TET3: variants seen among roughly 807,000 people sequenced by gnomAD.
The protein encoded by TET3 is methylcytosine dioxygenase TET3.
Under a neutral mutation model 141.4 loss-of-function variants are expected in TET3, and 19 were observed. That is an observed-to-expected ratio of 0.13 (90% CI 0.09 to 0.20). TET3 has a LOEUF of 0.20. TET3 is among the 10% of genes least tolerant of loss of function. The probability of loss-of-function intolerance (pLI) is 1.00; values close to 1 mark genes in which losing one functional copy is unlikely to be tolerated. For synonymous variants in TET3, 1,043 were observed against 980.9 expected (o/e 1.06, Z -1.18); for missense variants, 1,874 against 2,356.9 (o/e 0.80, Z 4.24).
At chr2:74,043,048 T>C (rs895967532) in intron 3 of TET3, among the ~76,000 whole-genome samples, 1 of 152,212 alleles carries the variant, frequency 6.6e-6, no homozygotes, top group Admixed American at 6.5e-5. Flanking sequence ...CTTTTAGTTG[T>C]CTTGACCATT....
chr2:74,092,301 A>G (rs1415267467), intron 8 of TET3, among the ~76,000 whole-genome samples: 1 of 152,122 alleles, frequency 6.6e-6, no homozygotes, highest in African/African-American at 2.4e-5. Flanking sequence ...CCTCTGTCTC[A>G]AAGAAAAAAA....
At chr2:74,094,767 C>T (rs769860391) in intron 10 of TET3, among the ~76,000 whole-genome samples, 14 of 152,062 alleles carry the variant, frequency 9.2e-5, no homozygotes, top group Non-Finnish European at 1.6e-4. Flanking sequence ...GAGGAGCACT[C>T]CAAGGCTTTT....
the TET3 span, among the ~76,000 whole-genome samples, chr2:74,115,574 T>C: frequency 6.6e-6 from 1 of 152,162 alleles, no homozygotes; most frequent in Non-Finnish European, 1.5e-5. Flanking sequence ...TGTTGAAATA[T>C]TTAAAATTTT....
chr2:73,995,304 T>C (rs1223941865), intron 2 of TET3, among the ~76,000 whole-genome samples: 1 of 152,256 alleles, frequency 6.6e-6, no homozygotes, highest in African/African-American at 2.4e-5. Flanking sequence ...GAGGCATCTA[T>C]CTTAGACTGC....
chr2:74,005,138 T>C (rs1032477545), intron 3 of TET3, among the ~76,000 whole-genome samples: 6 of 152,218 alleles, frequency 3.9e-5, no homozygotes, highest in African/African-American at 1.2e-4. Flanking sequence ...TCCAAGTGTG[T>C]TCTCCGTGTC....
the TET3 span, among the ~76,000 whole-genome samples, chr2:74,132,246 T>G: frequency 2.6e-5 from 4 of 152,158 alleles, no homozygotes; most frequent in Non-Finnish European, 5.9e-5. Flanking sequence ...TTAGTCCAGG[T>G]GGCTCCTAAT....
intron 2 of TET3, among the ~76,000 whole-genome samples, chr2:73,995,987 A>C (rs995235172): frequency 6.6e-6 from 1 of 151,924 alleles, no homozygotes; most frequent in African/African-American, 2.4e-5. Context: ...GGTGTGCGCC[A>C]CCCAGAGGCT....
chr2:74,047,607 A>G lies in TET3; in HGVS notation c.1690A>G (p.Ser564Gly), dbSNP rs751119029. The G allele has an allele frequency of 6.2e-7, 1 of 1,613,836 alleles. No individual in the cohort carries two copies. Among genetic ancestry groups the G allele is most frequent in the Middle Eastern group, 1.7e-4 (1 of 6,060 alleles). ...PSAPGWWPPP[S>G]SPVPRLPDRP... Reference sequence around the variant, plus strand: ...TGCTCCTGGCTGGTGGCCCCCACCAAGTTCACCTGTCCCACGGCTTCCAGA... The same window carrying G: ...TGCTCCTGGCTGGTGGCCCCCACCAGGTTCACCTGTCCCACGGCTTCCAGA... Residue 564 changes from serine (S) to glycine (G), a missense_variant, in exon 4 of 12, where the codon AGT (serine) becomes GGT (glycine). Physicochemically the swap from Ser to Gly is moderately conservative, Grantham distance 56. This residue lies in a region of TET3 where 484 missense variants were observed against 462.2 expected (regional missense o/e 1.05). Transcript: ENST00000409262.
In TET3 at chr2:74,099,261, C is replaced by T. The variant is rs750213830; in HGVS notation, c.3268-15C>T. 5 of 1,562,356 alleles carry T rather than the reference C, an allele frequency of 3.2e-6. No homozygotes were observed. The highest frequency in any genetic ancestry group is 1.4e-5 in the African/African-American group (1 of 73,754). On this transcript the variant is annotated splice_polypyrimidine_tract_variant and intron_variant, in intron 10 of 11. Transcript: ENST00000409262. The stretch of plus-strand genomic sequence containing the variant: ...CCCCAACCCCATGTCCTCTCTCCCC[C>T]ACTGCTTGGGGCAGGTCTGCACCCT...
rs185515634 is a variant in TET3, at chr2:74,003,213, G to A, written c.360+47G>A. ...GTGTGTGTGCGTGTGTGTGGTGGCG[G>A]TGAAGTGTTTGACCGGATTGGATAA... On this transcript the variant is annotated intron_variant, in intron 3 of 11. Transcript: ENST00000409262. The A allele has an allele frequency of 7.0e-3, 10,777 of 1,547,692 alleles. 50 individuals are homozygous for A. Among genetic ancestry groups the A allele is most frequent in the Non-Finnish European group, 8.3e-3 (9,476 of 1,145,028 alleles).
chr2:74,051,037 C>T (rs535352963), intron 4 of TET3, among the ~76,000 whole-genome samples: 1 of 152,266 alleles, frequency 6.6e-6, no homozygotes, highest in South Asian at 2.1e-4. Context: ...CTGGGAAACT[C>T]TTGTTTAGAG....
At chr2:74,004,979 T>C (rs1685076704) in intron 3 of TET3, among the ~76,000 whole-genome samples, 1 of 152,086 alleles carries the variant, frequency 6.6e-6, no homozygotes, top group South Asian at 2.1e-4. Context: ...GGCAGGCCCC[T>C]CTCTCCTCTG....
In TET3 at chr2:74,093,980, A is replaced by G. The variant is rs532554554; in HGVS notation, c.3267+314A>G. Reference sequence around the variant, plus strand: ...CCGGTCTCTGTGGACACTTGGATTTAAATGCAAACAAACCCTTGATTCATT... The same window carrying G: ...CCGGTCTCTGTGGACACTTGGATTTGAATGCAAACAAACCCTTGATTCATT... On this transcript the variant is annotated intron_variant, in intron 10 of 11. Transcript: ENST00000409262. The surrounding 1 kb of genome is among the most constrained non-coding windows in gnomAD (Gnocchi z 4.2). Among the ~76,000 whole-genome samples the G allele has an allele frequency of 4.2e-4, 64 of 152,322 alleles. No homozygotes were observed. Among genetic ancestry groups the G allele is most frequent in the African/African-American group, 1.4e-3 (59 of 41,572 alleles).
At chr2:74,110,093 T>C (rs551216284), downstream of TET3, among the ~76,000 whole-genome samples, 1 of 152,334 alleles carries the variant, frequency 6.6e-6, no homozygotes, top group African/African-American at 2.4e-5. Context: ...GCTATCATTA[T>C]TACTCTTGAC....
Position 73,987,841 on chromosome 2 carries a change from C to T in TET3, c.303+1135C>T, listed in dbSNP as rs1009546054. Among the ~76,000 whole-genome samples, 4 of 152,288 alleles carry T rather than the reference C, an allele frequency of 2.6e-5. No individual in the cohort carries two copies. The East Asian group carries it at 5.8e-4, about 22-fold the overall frequency. ...TGAGGACTCGGGTCCCTGTGGCTGG[C>T]GTTGGGCTGGCAGCCCGTGCTCTGG... On this transcript the variant is annotated intron_variant, in intron 2 of 11. Coordinates refer to ENST00000409262, the MANE Select transcript of TET3 (RefSeq NM_001287491.2).
At chr2:74,100,065 TG>T (rs1032224855) in intron 11 of TET3, among the ~76,000 whole-genome samples, 9 of 151,510 alleles carry the variant, frequency 5.9e-5, no homozygotes, top group Non-Finnish European at 1.3e-4. Context: ...GGGCACAGAG[TG>T]GGTGGTGGTG....
the TET3 span, chr2:74,134,433 G>A: frequency 8.7e-4 from 270 of 311,558 alleles, no homozygotes; most frequent in Admixed American, 1.9e-3. Flanking sequence ...TGTATGAACA[G>A]AATATTTGAA....
intron 3 of TET3, among the ~76,000 whole-genome samples, chr2:74,036,577 C>G (rs1290734793): frequency 3.9e-5 from 6 of 152,160 alleles, no homozygotes; most frequent in Non-Finnish European, 7.3e-5. Flanking sequence ...TGGCTGTGCT[C>G]TTCCACATTG....
At chr2:74,095,061 G>T (rs536368533) in intron 10 of TET3, among the ~76,000 whole-genome samples, 1 of 152,304 alleles carries the variant, frequency 6.6e-6, no homozygotes, top group Admixed American at 6.5e-5. Flanking sequence ...CTGGCTGTCT[G>T]CTCTGCCTTT....
Sources: gnomAD v4.1 joint callset for allele counts (sites outside exome capture counted in the v4.1 genomes callset) on GRCh38, gnomAD v4.1.1 for gene constraint, gnomAD v4.1.1 regional missense constraint, Gnocchi (gnomAD v3.1) non-coding constraint, MANE v1.5 for transcripts, NCBI Gene and HGNC (gene_info 2026-07-23, HGNC 2026-07-21) for gene names.